Variants in ZNF841 observed in about 807,000 individuals in gnomAD.
ZNF841 encodes zinc finger protein 841.
In ZNF841, 11 loss-of-function variants were observed where a neutral mutation model predicts 13.0. The observed-to-expected ratio is 0.85, with a 90% CI of 0.53 to 1.40. The LOEUF (loss-of-function observed/expected upper bound fraction) is 1.40. Ranked by LOEUF, ZNF841 falls within the 40% of genes most tolerant of loss-of-function variation. The pLI is 0.00. For synonymous variants in ZNF841, 369 were observed against 381.6 expected (o/e 0.97, Z 0.38); for missense variants, 1,068 against 1,139.5 (o/e 0.94, Z 0.90).
In ZNF841 at chr19:52,066,042, T is replaced by C. The variant is rs751787278; in HGVS notation, c.1840A>G (p.Ile614Val). ...TCTCCGGTATGACTTCGCCTATGAA[T>C]TGAAAGGTTTCCACTGTCAATGAAG... The part of the protein sequence containing the change: ...KVFIDSGNLS[I>V]HRRSHTGEKP... The change falls in exon 7 of 7, where the codon ATT (isoleucine) becomes GTT (valine). Residue 614 changes from isoleucine (I) to valine (V), a missense_variant. Physicochemically the swap from Ile to Val is conservative, Grantham distance 29. Coordinates refer to ENST00000594440, the MANE Select transcript of ZNF841 (RefSeq NM_001136499.2). 5.6e-6 allele frequency: 9 copies of C among 1,613,728 alleles called. No individual in the cohort carries two copies. In the African/African-American group the frequency reaches 1.2e-4, roughly 22 times the overall value.
Position 52,067,116 on chromosome 19 carries a change from T to C in ZNF841, c.766A>G (p.Ile256Val), listed in dbSNP as rs1164328722. The C allele has an allele frequency of 1.9e-6, 3 of 1,577,308 alleles. No individual in the cohort carries two copies. The highest frequency in any genetic ancestry group is 2.6e-6 in the Non-Finnish European group (3 of 1,159,894). The change falls in exon 7 of 7, where the codon ATT becomes GTT. Residue 256 changes from isoleucine to valine, a missense_variant. Physicochemically the swap from Ile to Val is conservative, Grantham distance 29 (BLOSUM62 3). Transcript: ENST00000594440. ...SLPTQDEKTH[I>V]REKPYIGNEC... is the part of the protein sequence containing the mutation. ...TTACCTATGTAAGGTTTTTCCCTAA[T>C]ATGTGTTTTCTCGTCTTGTGTAGGT...
At chr19:52,082,780 T>C (rs2123327899) in intron 4 of ZNF841, among the ~76,000 whole-genome samples, 1 of 152,250 alleles carries the variant, frequency 6.6e-6, no homozygotes, top group East Asian at 1.9e-4. Flanking sequence ...TTTATTAACA[T>C]AAAAACATGT....
chr19:52,070,296 G>C lies in ZNF841; in HGVS notation c.272-2686C>G, dbSNP rs555042361. ...ATGGACCTAGGAGGACTGAACAAAG[G>C]GGGCGAATGCGGGAATAAAAGACAA... On this transcript the variant is annotated intron_variant, in intron 6 of 6. Transcript: ENST00000594440. Among the ~76,000 whole-genome samples, 3 of 152,288 alleles carry C rather than the reference G, an allele frequency of 2.0e-5. No individual in the cohort carries two copies. In the East Asian group the frequency reaches 5.8e-4, roughly 29 times the overall value.
At chr19:52,070,201 A>G (rs1264671392) in intron 6 of ZNF841, among the ~76,000 whole-genome samples, 1 of 152,216 alleles carries the variant, frequency 6.6e-6, no homozygotes, top group Non-Finnish European at 1.5e-5. Flanking sequence ...GAGTGTAGAA[A>G]TACTTCAAGA....
At chr19:52,078,429 T>C (rs1363439718) in intron 4 of ZNF841, among the ~76,000 whole-genome samples, 1 of 152,068 alleles carries the variant, frequency 6.6e-6, no homozygotes, top group African/African-American at 2.4e-5. Context: ...AAGAAATATG[T>C]AAAAAAGTTT....
chr19:52,073,669 T>C (rs58488810), intron 6 of ZNF841, among the ~76,000 whole-genome samples: 7,339 of 152,252 alleles, frequency 0.048, 261 homozygotes, highest in African/African-American at 0.095. Flanking sequence ...AAAAAATATA[T>C]AGGTTTTATA....
Position 52,066,690 on chromosome 19 carries a change from C to A in ZNF841, c.1192G>T (p.Asp398Tyr), listed in dbSNP as rs772108090. ...LATHQTVHTG[D>Y]KPYKCNECGK... ...CATTCATTACATTTGTAGGGTTTGT[C>A]TCCAGTATGAACTGTCTGATGAGTT... Residue 398 changes from aspartate to tyrosine, a missense_variant, in exon 7 of 7, where the codon GAC becomes TAC. Physicochemically the swap from Asp to Tyr is radical, Grantham distance 160. Transcript: ENST00000594440. 6.2e-7 allele frequency: 1 copy of A among 1,611,916 alleles called. No homozygotes were observed. Among genetic ancestry groups the A allele is most frequent in the East Asian group, 2.2e-5 (1 of 44,760 alleles).
In ZNF841 at chr19:52,079,762, CG is replaced by C. The variant is rs2088034639; in HGVS notation, c.16-2679del. Among the ~76,000 whole-genome samples the C allele has an allele frequency of 2.0e-5, 3 of 151,914 alleles. No homozygotes were observed. The South Asian group carries it at 6.2e-4, about 32-fold the overall frequency. ...ATTCCAGCACTTTGGGAGGCCAAGGCGGGAGGATCACCTGAGGTTGGGAGTT... is the reference window on the plus strand; with the variant it reads ...ATTCCAGCACTTTGGGAGGCCAAGGCGGAGGATCACCTGAGGTTGGGAGTT... On this transcript the variant is annotated intron_variant, in intron 4 of 6. Transcript: ENST00000594440.
At chr19:52,071,716 C>T (rs1227385869) in intron 6 of ZNF841, among the ~76,000 whole-genome samples, 1 of 150,970 alleles carries the variant, frequency 6.6e-6, no homozygotes, top group Admixed American at 6.6e-5. Flanking sequence ...AGAAGACACA[C>T]ACAATGGAAA....
intron 2 of ZNF841, among the ~76,000 whole-genome samples, chr19:52,089,489 CA>C: frequency 6.7e-6 from 1 of 149,866 alleles, no homozygotes; most frequent in African/African-American, 2.4e-5. Flanking sequence ...CTAAAAAATA[CA>C]AAAAAAAACA....
chr19:52,078,939 A>G (rs2088000685), intron 4 of ZNF841, among the ~76,000 whole-genome samples: 1 of 152,208 alleles, frequency 6.6e-6, no homozygotes, highest in African/African-American at 2.4e-5. Context: ...ATAAGACGCT[A>G]TCTCTCAATG....
intron 6 of ZNF841, among the ~76,000 whole-genome samples, chr19:52,069,121 T>C (rs759469479): frequency 1.3e-5 from 2 of 152,200 alleles, no homozygotes; most frequent in Non-Finnish European, 2.9e-5. Context: ...TCACCCAGGC[T>C]GGAGTACAGT....
rs571753435 is a variant in ZNF841, at chr19:52,095,726, G to C, written c.-421C>G. ...CCAGGTAGACTGAAACACACTCATAGCGACGTGGCCTTTCCCCAGCGCGAT... is the reference window on the plus strand; with the variant it reads ...CCAGGTAGACTGAAACACACTCATACCGACGTGGCCTTTCCCCAGCGCGAT... On this transcript the variant is annotated 5_prime_UTR_variant, in exon 1 of 7. Coordinates refer to ENST00000594440, the MANE Select transcript of ZNF841 (RefSeq NM_001136499.2). 1 of 152,296 alleles carries C rather than the reference G, an allele frequency of 6.6e-6. No homozygotes were observed. Among genetic ancestry groups the C allele is most frequent in the Admixed American group, 6.5e-5 (1 of 15,278 alleles). 9.4% of individuals were successfully genotyped at this position (152,296 alleles called of 1,614,324 possible). A position where few individuals can be genotyped will look rare whatever the true frequency, so the allele number is the denominator to read the frequency against.
chr19:52,087,047 T>G (rs2088299071), intron 3 of ZNF841, among the ~76,000 whole-genome samples: 1 of 152,142 alleles, frequency 6.6e-6, no homozygotes, highest in Non-Finnish European at 1.5e-5. Flanking sequence ...TAGGGCACAG[T>G]GGAAGGAAAC....
Position 52,065,914 on chromosome 19 carries a change from A to G in ZNF841, c.1968T>C (p.Asn656=). 6.2e-7 allele frequency: 1 copy of G among 1,614,186 alleles called. No homozygotes were observed. The highest frequency in any genetic ancestry group is 8.5e-7 in the Non-Finnish European group (1 of 1,180,030). Residue 656 remains asparagine (N), a synonymous_variant, in exon 7 of 7, where the codon AAT becomes AAC. Coordinates refer to ENST00000594440, the MANE Select transcript of ZNF841 (RefSeq NM_001136499.2). The part of the protein sequence containing the change: ...IHTGEKPYKC[N]DCGKAYTQRS... ...GCTGAGTATAGGCTTTGCCACAATC[A>G]TTACATTTATAAGGTTTCTCTCCGG... is the stretch of plus-strand genomic sequence containing the variant.
At position 52,064,878 on chromosome 19, in the gene ZNF841, C is replaced by T. The variant is rs2087489682; in HGVS notation, c.*229G>A. On this transcript the variant is annotated 3_prime_UTR_variant, in exon 7 of 7. Coordinates refer to ENST00000594440, the MANE Select transcript of ZNF841 (RefSeq NM_001136499.2). ...TGAACTCCTGACCTCAAGTGATCCG[C>T]CCACCTCAGCCTCCCAAAGTGCTGG... The T allele has an allele frequency of 3.1e-6, 1 of 326,730 alleles. No homozygotes were observed. The highest frequency in any genetic ancestry group is 2.1e-5 in the African/African-American group (1 of 46,792). 20.2% of individuals were successfully genotyped at this position (326,730 alleles called of 1,614,324 possible). A position where few individuals can be genotyped will look rare whatever the true frequency, so the allele number is the denominator to read the frequency against.
At chr19:52,076,650 C>CAAAA (rs35136245) in intron 5 of ZNF841, among the ~76,000 whole-genome samples, 3 of 109,016 alleles carry the variant, frequency 2.8e-5, no homozygotes, top group African/African-American at 9.2e-5. Flanking sequence ...GAGACTGTGT[C>CAAAA]AAAAAAAAAA....
chr19:52,080,823 AG>A (rs2088075587), intron 4 of ZNF841, among the ~76,000 whole-genome samples: 1 of 152,240 alleles, frequency 6.6e-6, no homozygotes, highest in African/African-American at 2.4e-5. Context: ...AAGGTGTGGA[AG>A]GTCTCCACAA....
At chr19:52,069,603 T>G (rs2087684593) in intron 6 of ZNF841, among the ~76,000 whole-genome samples, 1 of 152,218 alleles carries the variant, frequency 6.6e-6, no homozygotes, top group African/African-American at 2.4e-5. Context: ...AAGTGTGGTC[T>G]TTGGAAGGCA....
Sources: gnomAD v4.1 joint callset for allele counts (sites outside exome capture counted in the v4.1 genomes callset) on GRCh38, gnomAD v4.1.1 for gene constraint, MANE v1.5 for transcripts, NCBI Gene and HGNC (gene_info 2026-07-23, HGNC 2026-07-21) for gene names.